Variants in RAB18 observed in about 807,000 individuals in gnomAD.
RAB18 encodes RAB18, member RAS oncogene family.
Under a neutral mutation model 28.5 loss-of-function variants are expected in RAB18, and 10 were observed. That is an observed-to-expected ratio of 0.35 (90% CI 0.22 to 0.60). The LOEUF (loss-of-function observed/expected upper bound fraction) is 0.60. RAB18 is among the 20% of genes least tolerant of loss of function. RAB18 has a pLI of 0.78. For missense variants in RAB18, 188 were observed against 244.2 expected, an observed-to-expected ratio of 0.77 and a Z score of 1.53; for synonymous variants, 93 against 86.9, an observed-to-expected ratio of 1.07 and a Z score of -0.39.
intron 2 of RAB18, among the ~76,000 whole-genome samples, chr10:27,524,638 C>T (rs994356641): frequency 6.6e-6 from 1 of 152,200 alleles, no homozygotes; most frequent in Non-Finnish European, 1.5e-5. Flanking sequence ...GACAGTTCTT[C>T]TGTTTCTGTT....
At chr10:27,523,265 C>CTTTTTTTT (rs34006982) in intron 2 of RAB18, among the ~76,000 whole-genome samples, 58 of 79,506 alleles carry the variant, frequency 7.3e-4, no homozygotes, top group Non-Finnish European at 9.5e-4. Context: ...TTTTCTTCTT[C>CTTTTTTTT]TTTTTTTTTT....
At chr10:27,534,709 T>C (rs914945723) in intron 6 of RAB18, among the ~76,000 whole-genome samples, 6 of 152,230 alleles carry the variant, frequency 3.9e-5, no homozygotes, top group Admixed American at 2.6e-4. Context: ...AAAGGCAGTT[T>C]ATTGAAAGCA....
At chr10:27,527,387 C>T (rs975170175) in intron 3 of RAB18, among the ~76,000 whole-genome samples, 1 of 151,850 alleles carries the variant, frequency 6.6e-6, no homozygotes, top group Non-Finnish European at 1.5e-5. Flanking sequence ...CCTGTCAATC[C>T]AACCATTCTG....
chr10:27,519,770 C>T (rs1210846315), intron 2 of RAB18, among the ~76,000 whole-genome samples: 3 of 152,102 alleles, frequency 2.0e-5, no homozygotes, highest in Admixed American at 6.5e-5. Flanking sequence ...ATAGATTCAA[C>T]ATAATCCCTA....
In RAB18 at chr10:27,540,258, A is replaced by G. The variant is rs755079044; in HGVS notation, c.*2207A>G. 4 of 453,932 alleles carry G rather than the reference A, an allele frequency of 8.8e-6. No homozygotes were observed. The highest frequency in any genetic ancestry group is 6.2e-5 in the South Asian group (4 of 64,466). 28.1% of individuals were successfully genotyped at this position (453,932 alleles called of 1,614,324 possible). On this transcript the variant is annotated 3_prime_UTR_variant, in exon 7 of 7. Coordinates refer to ENST00000356940, the MANE Select transcript of RAB18 (RefSeq NM_021252.5). ...CTCACAGCAACCTTAAGAGATTAGT[A>G]CTCCTATTATGCCCATTTTAAAGGT...
chr10:27,509,799 C>G, intron 1 of RAB18, 76 bp from the exon 2 acceptor site: 2 of 1,227,568 alleles, frequency 1.6e-6, no homozygotes, highest in Non-Finnish European at 1.2e-6. Flanking sequence ...AATTTGTGAC[C>G]AAATAATCAT....
chr10:27,517,239 T>G (rs1445202268), intron 2 of RAB18, among the ~76,000 whole-genome samples: 1 of 152,072 alleles, frequency 6.6e-6, no homozygotes, highest in East Asian at 1.9e-4. Context: ...GGCTCACACC[T>G]GTAGTCCCAG....
At chr10:27,519,166 A>C (rs765102583) in intron 2 of RAB18, among the ~76,000 whole-genome samples, 6 of 152,130 alleles carry the variant, frequency 3.9e-5, no homozygotes, top group Non-Finnish European at 8.8e-5. Context: ...AAATCAATGC[A>C]TACTTCACTA....
At chr10:27,535,589 C>T (rs1834877870) in intron 6 of RAB18, among the ~76,000 whole-genome samples, 1 of 152,254 alleles carries the variant, frequency 6.6e-6, no homozygotes, top group East Asian at 1.9e-4. Context: ...TGACCTGATA[C>T]TCTAAAAAGA....
Position 27,538,579 on chromosome 10 carries a change from C to T in RAB18, c.*528C>T. On this transcript the variant is annotated 3_prime_UTR_variant, in exon 7 of 7. Transcript: ENST00000356940. ...AAAATTCTCATCACAGAATGTAGCC[C>T]AGGCCAATTTATAACTAAATCTCTA... The T allele has an allele frequency of 2.2e-6, 1 of 454,402 alleles. No homozygotes were observed. The highest frequency in any genetic ancestry group is 4.4e-6 in the Non-Finnish European group (1 of 226,766). 28.1% of individuals were successfully genotyped at this position (454,402 alleles called of 1,614,324 possible).
chr10:27,523,611 CTTTT>C (rs775018935), intron 2 of RAB18, among the ~76,000 whole-genome samples: 4 of 131,310 alleles, frequency 3.0e-5, no homozygotes, highest in Admixed American at 7.6e-5. Context: ...CCATTTTTAC[CTTTT>C]TTTTTTTTTT....
chr10:27,504,603 T>C, intron 1 of RAB18, 166 bp downstream of exon 1: 1 of 842,738 alleles, frequency 1.2e-6, no homozygotes, highest in Non-Finnish European at 2.0e-6. Context: ...CGACGTTTGC[T>C]TTCCTCTCCC....
intron 3 of RAB18, among the ~76,000 whole-genome samples, chr10:27,531,852 A>G (rs758774900): frequency 5.5e-4 from 83 of 151,952 alleles, no homozygotes; most frequent in Admixed American, 3.3e-4. Flanking sequence ...TCTCAGCACA[A>G]TGGTTAAACT....
Position 27,526,875 on chromosome 10 carries a change from AAAC to A in RAB18, c.173_175del (p.Lys58_Leu59delinsIle). 1 of 1,613,174 alleles carries A rather than the reference AAAC, an allele frequency of 6.2e-7. No individual in the cohort carries two copies. The highest frequency in any genetic ancestry group is 1.7e-4 in the Middle Eastern group (1 of 6,054). ...AATTTCAGTGGATGGAAATAAGGCT[AAAC>A]TTGCAATATGGGTAAGAGTTTTTAA... On this transcript the variant is annotated inframe_deletion, in exon 3 of 7. Coordinates refer to ENST00000356940, the MANE Select transcript of RAB18 (RefSeq NM_021252.5).
At chr10:27,504,485 C>G (rs753321377) in intron 1 of RAB18, 48 bp downstream of exon 1, 1 of 1,539,982 alleles carries the variant, frequency 6.5e-7, no homozygotes, top group Admixed American at 2.0e-5. Context: ...GCTCTTTCTG[C>G]CCCGGTGGCT....
rs1564842132 is a variant in RAB18 at position 27,541,602 on chromosome 10, C to A, written c.*3551C>A. 1 of 453,398 alleles carries A rather than the reference C, an allele frequency of 2.2e-6. No individual in the cohort carries two copies. The highest frequency in any genetic ancestry group is 2.0e-5 in the African/African-American group (1 of 49,848). The allele number at this position is 453,398 out of a possible 1,614,324, so 28.1% of individuals were successfully genotyped here. On this transcript the variant is annotated 3_prime_UTR_variant, in exon 7 of 7. Coordinates refer to ENST00000356940, the MANE Select transcript of RAB18 (RefSeq NM_021252.5). ...GTTCATGCCTGTTCTCAGTCTTGTC[C>A]CCTTTACCGTTTCTCATGCAGGTTA...
At chr10:27,531,494 G>A in intron 3 of RAB18, 2 of 1,541,406 alleles carry the variant, frequency 1.3e-6, no homozygotes, top group Admixed American at 2.0e-5. Flanking sequence ...CTAAGTTGAG[G>A]TTTGATACAT....
At chr10:27,531,854 G>T (rs963981606) in intron 3 of RAB18, among the ~76,000 whole-genome samples, 1 of 151,508 alleles carries the variant, frequency 6.6e-6, no homozygotes. Context: ...TCAGCACAAT[G>T]GTTAAACTGG....
chr10:27,533,896 A>G, intron 5 of RAB18, 32 bp from the exon 6 acceptor site: 2 of 1,609,004 alleles, frequency 1.2e-6, no homozygotes, highest in Non-Finnish European at 1.7e-6. Flanking sequence ...ATATTTTGGT[A>G]GCCTTTCTTA....
Sources: gnomAD v4.1 joint callset for allele counts (sites outside exome capture counted in the v4.1 genomes callset) on GRCh38, gnomAD v4.1.1 for gene constraint, MANE v1.5 for transcripts, NCBI Gene and HGNC (gene_info 2026-07-23, HGNC 2026-07-21) for gene names.